Variants in ERMN observed in about 807,000 individuals in gnomAD.
The protein encoded by ERMN is ermin.
ERMN carries 17 observed loss-of-function variants against 21.4 expected under a neutral mutation model. The observed-to-expected ratio is 0.80, with a 90% CI of 0.54 to 1.19. The LOEUF (loss-of-function observed/expected upper bound fraction) is 1.19, where lower values mean the gene tolerates loss of function less well. Among genes scored for constraint, ERMN ranks in the 50% most tolerant of loss-of-function variants. The probability of loss-of-function intolerance (pLI) is 0.00; values close to 1 mark genes in which losing one functional copy is unlikely to be tolerated. For synonymous variants in ERMN, 115 were observed against 111.9 expected, an observed-to-expected ratio of 1.03 and a Z score of -0.17; for missense variants, 348 against 331.6, an observed-to-expected ratio of 1.05 and a Z score of -0.38.
chr2:157,320,303 T>C lies in ERMN; in HGVS notation c.*968A>G, dbSNP rs1203766098. 6.6e-6 allele frequency: 1 copy of C among 152,626 alleles called. No homozygotes were observed. Among genetic ancestry groups the C allele is most frequent in the Non-Finnish European group, 1.5e-5 (1 of 68,022 alleles). The allele number at this position is 152,626 out of a possible 1,614,324, so 9.5% of individuals were successfully genotyped here. ...CTCACGCTCTACTTTGAAAATATTCTAAGATAATTATTTCCATTTTCATAG... is the reference window on the plus strand; with the variant it reads ...CTCACGCTCTACTTTGAAAATATTCCAAGATAATTATTTCCATTTTCATAG... On this transcript the variant is annotated 3_prime_UTR_variant, in exon 3 of 3. Transcript: ENST00000410096.
chr2:157,321,830 T>C, intron 2 of ERMN, 39 bp from the exon 3 acceptor site: 2 of 1,517,946 alleles, frequency 1.3e-6, no homozygotes, highest in Non-Finnish European at 1.8e-6. Flanking sequence ...TGTGTAGAGA[T>C]TCCAAAATAC....
At position 157,325,599 on chromosome 2, in the gene ERMN, C is replaced by A; in HGVS notation, c.44G>T (p.Gly15Val). The A allele has an allele frequency of 5.0e-6, 8 of 1,614,128 alleles. No homozygotes were observed. The highest frequency in any genetic ancestry group is 6.8e-6 in the Non-Finnish European group (8 of 1,180,012). ...PATFTQAECNGDKPPENGQQT... is the reference protein window; with the variant it reads ...PATFTQAECNVDKPPENGQQT... ...TTGACCGTTTTCAGGTGGTTTATCC[C>A]CATTACACTCAGCCTGGGTAAATGT... Residue 15 changes from glycine to valine, a missense_variant, in exon 1 of 3, where the codon GGG becomes GTG. Gly to Val is a moderately radical substitution (Grantham distance 109). Transcript: ENST00000410096.
At position 157,325,450 on chromosome 2, in the gene ERMN, G is replaced by A. The variant is rs748548959; in HGVS notation, c.193C>T (p.Gln65Ter). The A allele has an allele frequency of 1.2e-6, 2 of 1,614,154 alleles. No homozygotes were observed. Among genetic ancestry groups the A allele is most frequent in the South Asian group, 2.2e-5 (2 of 91,084 alleles). The change falls in exon 1 of 3, where the codon CAA becomes TAA. Residue 65 changes from glutamine to a stop codon, truncating the protein, a stop_gained. Coordinates refer to ENST00000410096, the MANE Select transcript of ERMN (RefSeq NM_020711.3). LOFTEE classifies it high-confidence loss of function. ...GATGAGTTGAGCAGCATGTTCCCTT[G>A]TAATTTTCTTCTTTCCTCCTGACTT... ...KGSQEERRKL[Q>*]GNMLLNSSME...
chr2:157,326,709 C>T (rs1275490197), upstream of ERMN, among the ~76,000 whole-genome samples: 1 of 152,182 alleles, frequency 6.6e-6, no homozygotes, highest in Non-Finnish European at 1.5e-5. Flanking sequence ...CCACACAGCT[C>T]CTTCTATGTG....
At chr2:157,325,878 C>A, upstream of ERMN, 1 of 1,398,692 alleles carries the variant, frequency 7.1e-7, no homozygotes, top group Non-Finnish European at 9.3e-7. Context: ...AGCAAGAATC[C>A]AGCCAATCAC....
upstream of ERMN, chr2:157,327,621 A>G (rs1365709839): frequency 6.1e-6 from 4 of 653,968 alleles, no homozygotes; most frequent in African/African-American, 5.4e-5. Context: ...AGATGAAGCT[A>G]AGCGCCATCC....
At chr2:157,325,996 G>A, upstream of ERMN, 1 of 1,068,962 alleles carries the variant, frequency 9.4e-7, no homozygotes, top group Non-Finnish European at 1.1e-6. Flanking sequence ...CATGTAGAGA[G>A]GGACTTTCAG....
chr2:157,326,332 G>A (rs1684067166), upstream of ERMN, among the ~76,000 whole-genome samples: 1 of 152,212 alleles, frequency 6.6e-6, no homozygotes, highest in Non-Finnish European at 1.5e-5. Flanking sequence ...CAGCAGGCTG[G>A]AGAAGGGACC....
chr2:157,324,852 A>C (rs1324799808), intron 1 of ERMN, 90 bp from the exon 2 acceptor site: 1 of 852,432 alleles, frequency 1.2e-6, no homozygotes, highest in African/African-American at 1.7e-5. Context: ...TCTAGGTAGA[A>C]GTCTTTAATT....
At chr2:157,325,348 A>C in intron 1 of ERMN, 54 bp downstream of exon 1, 1 of 1,608,112 alleles carries the variant, frequency 6.2e-7, no homozygotes, top group Non-Finnish European at 8.5e-7. Flanking sequence ...AAAAAAATCC[A>C]GGGTAAATTT....
intron 1 of ERMN, chr2:157,324,997 T>C (rs984070101): frequency 5.7e-6 from 2 of 352,294 alleles, no homozygotes; most frequent in Non-Finnish European, 5.3e-6. Flanking sequence ...ATATAAGATA[T>C]AGAACCATAA....
At chr2:157,327,645 A>C (rs542717323), upstream of ERMN, 14 of 601,024 alleles carry the variant, frequency 2.3e-5, no homozygotes, top group Non-Finnish European at 3.9e-5. Flanking sequence ...GCCTGTGTGC[A>C]GATGTTTCCT....
Position 157,319,076 on chromosome 2 carries a change from G to T in ERMN, c.*2195C>A, listed in dbSNP as rs1558911047. 6.6e-6 allele frequency: 1 copy of T among 152,130 alleles called. No homozygotes were observed. Among genetic ancestry groups the T allele is most frequent in the Non-Finnish European group, 1.5e-5 (1 of 68,048 alleles). The allele number at this position is 152,130 out of a possible 1,614,324, so 9.4% of individuals were successfully genotyped here. ...AACCATCACCATTATGTTACCTGAGGTCACTTAACTCTGTGGCTTTCAACT... is the reference window on the plus strand; with the variant it reads ...AACCATCACCATTATGTTACCTGAGTTCACTTAACTCTGTGGCTTTCAACT... On this transcript the variant is annotated 3_prime_UTR_variant, in exon 3 of 3. Transcript: ENST00000410096.
Position 157,324,782 on chromosome 2 carries a change from T to C in ERMN, c.242-20A>G. 1 of 1,535,358 alleles carries C rather than the reference T, an allele frequency of 6.5e-7. No individual in the cohort carries two copies. Among genetic ancestry groups the C allele is most frequent in the East Asian group, 2.3e-5 (1 of 43,356 alleles). On this transcript the variant is annotated intron_variant, in intron 1 of 2. Transcript: ENST00000410096. ...GGTTTTCTAGGAAAAAAATATAAAA[T>C]CAGTATTTTAACATTTAAAATATTT...
rs898307644 is a variant in ERMN, at chr2:157,320,568, C to T, written c.*703G>A. ...CTGCTGCCCACCAATCTTCTAGCCCCTCCCAGTGTCAACCTCACAATGGGT... is the reference window on the plus strand; with the variant it reads ...CTGCTGCCCACCAATCTTCTAGCCCTTCCCAGTGTCAACCTCACAATGGGT... On this transcript the variant is annotated 3_prime_UTR_variant, in exon 3 of 3. Coordinates refer to ENST00000410096, the MANE Select transcript of ERMN (RefSeq NM_020711.3). 3.3e-5 allele frequency: 5 copies of T among 152,294 alleles called. No homozygotes were observed. The highest frequency in any genetic ancestry group is 1.2e-4 in the African/African-American group (5 of 41,452). The allele number at this position is 152,294 out of a possible 1,614,324, so 9.4% of individuals were successfully genotyped here.
At chr2:157,325,233 C>T (rs2105190438) in intron 1 of ERMN, 169 bp downstream of exon 1, 1 of 942,230 alleles carries the variant, frequency 1.1e-6, no homozygotes, top group Non-Finnish European at 1.7e-6. Context: ...TCAAATAGAC[C>T]AGCCTGGATT....
At position 157,320,968 on chromosome 2, in the gene ERMN, T is replaced by G; in HGVS notation, c.*303A>C. ...GACTACCTTTCCAAGCATTGCTACA[T>G]TTATAGCCGAATTATGCCAGATTCC... On this transcript the variant is annotated 3_prime_UTR_variant, in exon 3 of 3. Transcript: ENST00000410096. 1 of 289,072 alleles carries G rather than the reference T, an allele frequency of 3.5e-6. No homozygotes were observed. The highest frequency in any genetic ancestry group is 2.2e-5 in the African/African-American group (1 of 45,638). The allele number at this position is 289,072 out of a possible 1,614,324, so 17.9% of individuals were successfully genotyped here.
chr2:157,322,212 G>A (rs193138997), intron 2 of ERMN, among the ~76,000 whole-genome samples: 78 of 149,880 alleles, frequency 5.2e-4, no homozygotes, highest in South Asian at 4.4e-3. Flanking sequence ...GAAATGTTTG[G>A]ACTTATCTTT....
chr2:157,325,866 T>A, upstream of ERMN: 1 of 1,405,338 alleles, frequency 7.1e-7, no homozygotes, highest in Non-Finnish European at 9.2e-7. Flanking sequence ...CCAGGAGCCA[T>A]GAGCAAGAAT....
Sources: allele counts gnomAD v4.1 joint callset (sites outside exome capture counted in the v4.1 genomes callset), GRCh38; gene constraint gnomAD v4.1.1; transcripts MANE v1.5; gene names NCBI Gene and HGNC (gene_info 2026-07-23, HGNC 2026-07-21).